Variants in DYSF observed in about 807,000 individuals in gnomAD.
The protein encoded by DYSF is dysferlin.
In DYSF, 212 loss-of-function variants were observed where a neutral mutation model predicts 274.9. That is an observed-to-expected ratio of 0.77 (90% CI 0.69 to 0.86). The LOEUF (loss-of-function observed/expected upper bound fraction) is 0.86. DYSF is among the 40% of genes least tolerant of loss of function. The pLI, the probability that DYSF is intolerant of heterozygous loss-of-function variation, is 0.00. For synonymous variants in DYSF, 1,091 were observed against 1,078.7 expected, an observed-to-expected ratio of 1.01 and a Z score of -0.22; for missense variants, 2,666 against 2,783.2, an observed-to-expected ratio of 0.96 and a Z score of 0.95.
At chr2:71,461,380 GAGA>G (rs571229621) in intron 1 of DYSF, among the ~76,000 whole-genome samples, 1 of 152,228 alleles carries the variant, frequency 6.6e-6, no homozygotes, top group African/African-American at 2.4e-5. Flanking sequence ...TGCAAAGAAA[GAGA>G]AGAAGGCAGC....
chr2:71,528,736 A>C (rs2088281391), intron 14 of DYSF, among the ~76,000 whole-genome samples: 1 of 152,232 alleles, frequency 6.6e-6, no homozygotes, highest in Non-Finnish European at 1.5e-5. Flanking sequence ...ATAAAGATAG[A>C]GAAACTATAT....
intron 4 of DYSF, among the ~76,000 whole-genome samples, chr2:71,507,945 C>T (rs768103059): frequency 2.0e-5 from 3 of 152,200 alleles, no homozygotes; most frequent in Admixed American, 1.3e-4. Context: ...ATGGCTACCA[C>T]GCCCAACTAG....
intron 17 of DYSF, among the ~76,000 whole-genome samples, chr2:71,550,401 C>T (rs1196236133): frequency 1.3e-5 from 2 of 152,188 alleles, no homozygotes; most frequent in Non-Finnish European, 2.9e-5. Context: ...AAAAATTGTT[C>T]TTTGTACAAT....
chr2:71,591,379 C>T (rs1478378343), intron 32 of DYSF, among the ~76,000 whole-genome samples: 3 of 152,208 alleles, frequency 2.0e-5, no homozygotes, highest in Non-Finnish European at 2.9e-5. Context: ...CTGCCATCTC[C>T]TTCCTGCTCT....
At chr2:71,501,821 A>G (rs1161531022) in intron 3 of DYSF, among the ~76,000 whole-genome samples, 1 of 152,206 alleles carries the variant, frequency 6.6e-6, no homozygotes, top group Non-Finnish European at 1.5e-5. Context: ...TGGTTTGCTT[A>G]CACCTCTTGG....
intron 10 of DYSF, among the ~76,000 whole-genome samples, chr2:71,519,213 A>T (rs1421133610): frequency 2.0e-5 from 3 of 151,842 alleles, no homozygotes; most frequent in African/African-American, 7.2e-5. Context: ...GGAAGAAGTC[A>T]CAAGATAAAA....
intron 30 of DYSF, among the ~76,000 whole-genome samples, chr2:71,583,439 A>C (rs768111707): frequency 7.9e-5 from 12 of 152,176 alleles, no homozygotes; most frequent in Admixed American, 3.9e-4. Flanking sequence ...CTGCTGGAGC[A>C]GGGAAGGTCT....
At chr2:71,603,501 C>T (rs866863251) in intron 36 of DYSF, among the ~76,000 whole-genome samples, 1 of 152,160 alleles carries the variant, frequency 6.6e-6, no homozygotes, top group Non-Finnish European at 1.5e-5. Flanking sequence ...AGGGCAGCCA[C>T]TTCCTGCCAT....
chr2:71,629,920 A>G (rs2094284434), intron 41 of DYSF, among the ~76,000 whole-genome samples: 1 of 152,182 alleles, frequency 6.6e-6, no homozygotes, highest in Non-Finnish European at 1.5e-5. Context: ...TGTGTACTCT[A>G]ATTTCTTGTT....
At chr2:71,653,709 TAAATG>T (rs1474648004) in intron 42 of DYSF, among the ~76,000 whole-genome samples, 1 of 150,774 alleles carries the variant, frequency 6.6e-6, no homozygotes, top group Non-Finnish European at 1.5e-5. Flanking sequence ...CACCTAATGT[TAAATG>T]AAGAGTTAAT....
chr2:71,468,525 AAC>A (rs2081713548), intron 1 of DYSF, among the ~76,000 whole-genome samples: 1 of 152,118 alleles, frequency 6.6e-6, no homozygotes, highest in Non-Finnish European at 1.5e-5. Flanking sequence ...AAGTACCCCG[AAC>A]ACGTGCAGCT....
At chr2:71,641,183 T>TTTTTTA (rs2094479476) in intron 41 of DYSF, among the ~76,000 whole-genome samples, 1 of 146,472 alleles carries the variant, frequency 6.8e-6, no homozygotes, top group African/African-American at 2.5e-5. Flanking sequence ...TATCTATTTT[T>TTTTTTA]TTTTTTTTTT....
chr2:71,473,275 G>T (rs62143761), intron 1 of DYSF, among the ~76,000 whole-genome samples: 1 of 152,122 alleles, frequency 6.6e-6, no homozygotes, highest in South Asian at 2.1e-4. Context: ...CCACGCTAGG[G>T]CCATCTTTTC....
chr2:71,609,579 G>A (rs1048484861), intron 36 of DYSF, among the ~76,000 whole-genome samples: 4 of 152,216 alleles, frequency 2.6e-5, no homozygotes, highest in South Asian at 2.1e-4. Flanking sequence ...AATTCTCGGA[G>A]CAGCTTATCT....
chr2:71,632,876 G>C (rs1274796427), intron 41 of DYSF, among the ~76,000 whole-genome samples: 1 of 152,222 alleles, frequency 6.6e-6, no homozygotes, highest in African/African-American at 2.4e-5. Context: ...ATCTGGTGGA[G>C]CAGGCCAATA....
rs1573811118 is a variant in DYSF at position 71,535,308 on chromosome 2, A to G, written c.1490A>G (p.Asp497Gly). 6.2e-7 allele frequency: 1 copy of G among 1,614,098 alleles called. No homozygotes were observed. Among genetic ancestry groups the G allele is most frequent in the Non-Finnish European group, 8.5e-7 (1 of 1,179,994 alleles). ...GAAAAAATGAGGATTCGTATCATAG[A>G]CTGGTGAGTTCTGAGTCTTGGAGTC... is the stretch of plus-strand genomic sequence containing the variant. ...MCEKMRIRIIDWDRLTHNDIV... is the reference protein window; with the variant it reads ...MCEKMRIRIIGWDRLTHNDIV... Residue 497 changes from aspartate (D) to glycine (G), a missense_variant, in exon 16 of 56, where the codon GAC becomes GGC. Around this residue, in one of 3 missense-constraint regions of DYSF, gnomAD observed 794 missense variants for 777.1 expected, o/e 1.02. Coordinates refer to ENST00000410020, the MANE Select transcript of DYSF (RefSeq NM_001130987.2).
intron 36 of DYSF, among the ~76,000 whole-genome samples, chr2:71,608,325 T>C (rs1436883025): frequency 6.6e-6 from 1 of 151,384 alleles, no homozygotes; most frequent in Non-Finnish European, 1.5e-5. Flanking sequence ...CAGGAGATAG[T>C]GTGAAAAATT....
chr2:71,456,332 C>T (rs1271471565), intron 1 of DYSF, among the ~76,000 whole-genome samples: 2 of 152,236 alleles, frequency 1.3e-5, no homozygotes, highest in African/African-American at 4.8e-5. Flanking sequence ...CCTCCCCTCC[C>T]CCAGCCCCTG....
intron 24 of DYSF, among the ~76,000 whole-genome samples, chr2:71,566,814 G>A (rs2092137810): frequency 6.6e-6 from 1 of 152,198 alleles, no homozygotes; most frequent in Non-Finnish European, 1.5e-5. Context: ...CATTGAAGAT[G>A]AACCAAAAGA....
Sources: allele counts gnomAD v4.1 joint callset (sites outside exome capture counted in the v4.1 genomes callset), GRCh38; gene constraint gnomAD v4.1.1; regional missense constraint gnomAD v4.1.1; transcripts MANE v1.5; gene names NCBI Gene and HGNC (gene_info 2026-07-23, HGNC 2026-07-21).